The following CLSPN variants were observed in gnomAD, a reference collection of about 807,000 sequenced individuals.
The protein encoded by CLSPN is claspin homolog.
Under a neutral mutation model 156.3 loss-of-function variants are expected in CLSPN, and 85 were observed. That is an observed-to-expected ratio of 0.54 (90% CI 0.46 to 0.65). The LOEUF (loss-of-function observed/expected upper bound fraction) is 0.65, where lower values mean the gene tolerates loss of function less well. Ranked by LOEUF, CLSPN falls within the 30% of genes least tolerant of loss-of-function variation. CLSPN has a pLI of 0.00. For missense variants in CLSPN, 1,407 were observed against 1,554.9 expected, an observed-to-expected ratio of 0.90 and a Z score of 1.60; for synonymous variants, 534 against 542.4, an observed-to-expected ratio of 0.98 and a Z score of 0.22.
chr1:35,767,440 G>C (rs1229397344), intron 1 of CLSPN, among the ~76,000 whole-genome samples: 1 of 152,170 alleles, frequency 6.6e-6, no homozygotes, highest in Non-Finnish European at 1.5e-5. Context: ...GATTGGCCAT[G>C]ACTTGAAAAT....
intron 24 of CLSPN, chr1:35,721,019 CAG>C (rs1398673040): frequency 7.2e-7 from 1 of 1,390,594 alleles, no homozygotes; most frequent in Non-Finnish European, 1.0e-6. Context: ...AGGGAAGAAA[CAG>C]AGATGAGAGA....
chr1:35,724,461 C>T (rs1450411093), intron 24 of CLSPN, among the ~76,000 whole-genome samples: 5 of 152,136 alleles, frequency 3.3e-5, no homozygotes, highest in Admixed American at 2.6e-4. Context: ...AGCTTGGGCT[C>T]CATCCTGGGG....
intron 6 of CLSPN, among the ~76,000 whole-genome samples, chr1:35,761,574 G>GT (rs1319049662): frequency 5.9e-5 from 9 of 152,256 alleles, no homozygotes; most frequent in Admixed American, 2.6e-4. Context: ...ACCATGCAGT[G>GT]TTTTTTTGAT....
rs759650862 is a variant in CLSPN at position 35,762,062 on chromosome 1, C to T, written c.831G>A (p.Lys277=). ...LSKGTTRKER[K]AARLSKEALK... is the part of the protein sequence containing the mutation. The stretch of plus-strand genomic sequence containing the variant: ...ATGCTTCTTTACTTAATCTGGCTGC[C>T]TTTCTTTCCTTAAAGAAAACAAGAA... The change falls in exon 6 of 25, where the codon AAG becomes AAA. Residue 277 remains lysine (K), a synonymous_variant. Coordinates refer to ENST00000318121, the MANE Select transcript of CLSPN (RefSeq NM_022111.4). 3.7e-6 allele frequency: 6 copies of T among 1,609,980 alleles called. No homozygotes were observed. In the Admixed American group the frequency reaches 8.3e-5, roughly 22 times the overall value.
rs1420020957 is a variant in CLSPN, at chr1:35,743,222, C to A, written c.3062G>T (p.Gly1021Val). The A allele has an allele frequency of 1.9e-6, 3 of 1,613,482 alleles. No individual in the cohort carries two copies. Among genetic ancestry groups the A allele is most frequent in the Middle Eastern group, 1.6e-4 (1 of 6,082 alleles). ...DSDEDEHSDS[G>V]NDLALEDHED... Reference sequence around the variant, plus strand: ...ATGGTCTTCCAGTGCCAGATCATTACCAGAGTCACTGTGTTCATCCTACAA... The same window carrying A: ...ATGGTCTTCCAGTGCCAGATCATTAACAGAGTCACTGTGTTCATCCTACAA... The change falls in exon 18 of 25, where the codon GGT becomes GTT. Residue 1021 changes from glycine (G) to valine (V), a missense_variant. Physicochemically the swap from Gly to Val is moderately radical, Grantham distance 109 (BLOSUM62 -3). Transcript: ENST00000318121.
Position 35,739,513 on chromosome 1 carries a change from G to T in CLSPN, c.3160C>A (p.Leu1054Met). ...LKRQMRLRKY[L>M]EDEAEVSGSD... ...CCTGACACCTCTGCCTCATCCTCCAGGTATTTCCTCAACCTCCTAGAAAGC... is the reference window on the plus strand; with the variant it reads ...CCTGACACCTCTGCCTCATCCTCCATGTATTTCCTCAACCTCCTAGAAAGC... The change falls in exon 19 of 25, where the codon CTG (leucine) becomes ATG (methionine). Residue 1054 changes from leucine to methionine, a missense_variant. Coordinates refer to ENST00000318121, the MANE Select transcript of CLSPN (RefSeq NM_022111.4). 1 of 1,612,616 alleles carries T rather than the reference G, an allele frequency of 6.2e-7. No homozygotes were observed.
rs759526461 is a variant in CLSPN, at chr1:35,761,101, T to C, written c.999A>G (p.Leu333=). The change falls in exon 7 of 25, where the codon CTA becomes CTG. Residue 333 remains leucine, a synonymous_variant. Transcript: ENST00000318121. ...RPTCHGNAMA[L]LKSSKYQSSH... ...TAAGGAAAGAGGGTTCTTACTTCAA[T>C]AGTGCCATGGCATTTCCGTGGCAAG... 1.9e-6 allele frequency: 3 copies of C among 1,596,784 alleles called. No individual in the cohort carries two copies. The highest frequency in any genetic ancestry group is 1.7e-6 in the Non-Finnish European group (2 of 1,164,290).
chr1:35,769,599 G>A (rs536556454), intron 1 of CLSPN, among the ~76,000 whole-genome samples: 1 of 152,324 alleles, frequency 6.6e-6, no homozygotes, highest in African/African-American at 2.4e-5. Flanking sequence ...CCGGCAGTGC[G>A]CGCCGCAGAG....
chr1:35,766,355 A>C (rs1186742217), intron 1 of CLSPN, among the ~76,000 whole-genome samples: 1 of 152,048 alleles, frequency 6.6e-6, no homozygotes, highest in Non-Finnish European at 1.5e-5. Context: ...CCTATAAAGA[A>C]AGTTAACACA....
chr1:35,765,191 C>A, intron 2 of CLSPN, 27 bp downstream of exon 2: 1 of 1,432,730 alleles, frequency 7.0e-7, no homozygotes. Flanking sequence ...GCAACCTATT[C>A]CTAAAAATAA....
In CLSPN at chr1:35,764,514, C is replaced by T; in HGVS notation, c.334G>A (p.Glu112Lys). 1 of 1,614,002 alleles carries T rather than the reference C, an allele frequency of 6.2e-7. No individual in the cohort carries two copies. The highest frequency in any genetic ancestry group is 8.5e-7 in the Non-Finnish European group (1 of 1,179,974). Residue 112 changes from glutamate (E) to lysine (K), a missense_variant, in exon 3 of 25, where the codon GAA (glutamate) becomes AAA (lysine). Physicochemically the swap from Glu to Lys is moderately conservative, Grantham distance 56. This residue lies in a region of CLSPN where 1,096 missense variants were observed against 1,193.0 expected (regional missense o/e 0.92). Coordinates refer to ENST00000318121, the MANE Select transcript of CLSPN (RefSeq NM_022111.4). ...RIYKTVADSD[E>K]SYMEKSLYQE... ...TACAAAGACTTTTCCATGTAACTTT[C>T]ATCACTGTCTGCCACAGTTTTGTAA... is the stretch of plus-strand genomic sequence containing the variant.
chr1:35,765,864 T>C, intron 1 of CLSPN, among the ~76,000 whole-genome samples: 1 of 152,112 alleles, frequency 6.6e-6, no homozygotes, highest in East Asian at 1.9e-4. Flanking sequence ...CTATCAAGTC[T>C]CTAGATCTAA....
At chr1:35,748,362 A>G in intron 13 of CLSPN, 43 bp downstream of exon 13, 1 of 1,554,594 alleles carries the variant, frequency 6.4e-7, no homozygotes, top group Non-Finnish European at 8.9e-7. Flanking sequence ...GCAATGTGGG[A>G]AGCAAAGAGA....
chr1:35,748,229 A>G (rs1337504561), intron 13 of CLSPN, among the ~76,000 whole-genome samples, 168 bp from the exon 14 acceptor site: 1 of 152,250 alleles, frequency 6.6e-6, no homozygotes, highest in East Asian at 1.9e-4. Flanking sequence ...TACCTCCAAG[A>G]AAGTAAGAAT....
At chr1:35,731,275 C>A (rs1452292224), downstream of CLSPN, among the ~76,000 whole-genome samples, 4 of 151,748 alleles carry the variant, frequency 2.6e-5, no homozygotes, top group Non-Finnish European at 4.4e-5. Context: ...GGAAATTAGG[C>A]TTAAGCTAAC....
At chr1:35,729,701 A>T (rs1460141003), downstream of CLSPN, among the ~76,000 whole-genome samples, 1 of 152,204 alleles carries the variant, frequency 6.6e-6, no homozygotes, top group Non-Finnish European at 1.5e-5. Flanking sequence ...GTCTCAGCAC[A>T]TAGCTAGCCA....
chr1:35,761,244 T>C, intron 6 of CLSPN, 40 bp from the exon 7 acceptor site: 1 of 1,211,142 alleles, frequency 8.3e-7, no homozygotes, highest in Non-Finnish European at 1.2e-6. Flanking sequence ...ATATACTGTA[T>C]ATTCTGAAAT....
intron 6 of CLSPN, 57 bp downstream of exon 6, chr1:35,761,941 G>A: frequency 8.4e-7 from 1 of 1,190,246 alleles, no homozygotes; most frequent in Non-Finnish European, 1.2e-6. Context: ...CAACATCCAA[G>A]TTGAGCTTAC....
At chr1:35,747,782 G>T in intron 14 of CLSPN, 125 bp downstream of exon 14, 1 of 871,458 alleles carries the variant, frequency 1.1e-6, no homozygotes, top group Non-Finnish European at 1.8e-6. Context: ...AATACTAATG[G>T]TCTGTACACC....
Sources: gnomAD v4.1 joint callset for allele counts (sites outside exome capture counted in the v4.1 genomes callset) on GRCh38, gnomAD v4.1.1 for gene constraint, gnomAD v4.1.1 regional missense constraint, MANE v1.5 for transcripts, NCBI Gene and HGNC (gene_info 2026-07-23, HGNC 2026-07-21) for gene names.